The following NBEAL1 variants were observed in gnomAD, a reference collection of about 807,000 sequenced individuals.
The protein encoded by NBEAL1 is neurobeachin like 1.
Under a neutral mutation model 351.3 loss-of-function variants are expected in NBEAL1, and 273 were observed. The observed-to-expected ratio is 0.78, with a 90% confidence interval of 0.70 to 0.86. NBEAL1 has a LOEUF of 0.86. Ranked by LOEUF, NBEAL1 falls within the 40% of genes least tolerant of loss-of-function variation. The probability of loss-of-function intolerance (pLI) is 0.00; values close to 1 mark genes in which losing one functional copy is unlikely to be tolerated. For missense variants in NBEAL1, 2,961 were observed against 3,201.3 expected, an observed-to-expected ratio of 0.92 and a Z score of 1.81; for synonymous variants, 1,050 against 1,086.4, an observed-to-expected ratio of 0.97 and a Z score of 0.66.
At chr2:203,028,157 C>T (rs2060890377) in intron 2 of NBEAL1, among the ~76,000 whole-genome samples, 2 of 151,692 alleles carry the variant, frequency 1.3e-5, no homozygotes, top group South Asian at 4.2e-4. Flanking sequence ...GCTGGGATTA[C>T]AGGTGTGAGC....
At chr2:203,033,165 T>C (rs1431490679) in intron 2 of NBEAL1, among the ~76,000 whole-genome samples, 1 of 151,838 alleles carries the variant, frequency 6.6e-6, no homozygotes, top group Non-Finnish European at 1.5e-5. Context: ...CACGCATGGC[T>C]AATTTTTTGT....
intron 2 of NBEAL1, among the ~76,000 whole-genome samples, chr2:203,024,427 A>G (rs1406977399): frequency 1.3e-5 from 2 of 151,576 alleles, no homozygotes; most frequent in Non-Finnish European, 2.9e-5. Flanking sequence ...GTGGGGTGGC[A>G]TGCACCTGTA....
chr2:203,165,403 A>G (rs560880940), intron 36 of NBEAL1, among the ~76,000 whole-genome samples: 54 of 152,268 alleles, frequency 3.5e-4, no homozygotes, highest in African/African-American at 1.9e-4. Context: ...ATAGTTTAAG[A>G]TTCATATTTA....
intron 44 of NBEAL1, among the ~76,000 whole-genome samples, 160 bp downstream of exon 44, chr2:203,183,548 A>G (rs1487771480): frequency 3.9e-5 from 6 of 152,164 alleles, no homozygotes; most frequent in Non-Finnish European, 5.9e-5. Flanking sequence ...TTTTGAGGAT[A>G]TGAATCTTCT....
At position 203,108,037 on chromosome 2, in the gene NBEAL1, A is replaced by T. The variant is rs575115400; in HGVS notation, c.1798A>T (p.Asn600Tyr). Residue 600 changes from asparagine (N) to tyrosine (Y), a missense_variant, in exon 14 of 56, where the codon AAT (asparagine) becomes TAT (tyrosine). By Grantham distance (143) the Asn-to-Tyr change is moderately radical. Transcript: ENST00000683969. ...LSLESALQYF[N>Y]LSHSMAGISV... ...TCTAGAGAGTGCCCTCCAGTATTTCAATTTGTCACATAGTATGGCAGGAAT... is the reference window on the plus strand; with the variant it reads ...TCTAGAGAGTGCCCTCCAGTATTTCTATTTGTCACATAGTATGGCAGGAAT... The T allele has an allele frequency of 7.1e-6, 11 of 1,553,636 alleles. No homozygotes were observed. The highest frequency in any genetic ancestry group is 2.7e-5 in the African/African-American group (2 of 73,468).
intron 2 of NBEAL1, among the ~76,000 whole-genome samples, chr2:203,026,212 T>C (rs925881733): frequency 6.6e-6 from 1 of 152,158 alleles, no homozygotes; most frequent in Non-Finnish European, 1.5e-5. Context: ...TTTATGTCTG[T>C]TTTTTTGTGT....
chr2:203,213,644 G>A lies in NBEAL1; in HGVS notation c.8061G>A (p.Lys2687=), dbSNP rs1276564392. Residue 2687 remains lysine (K), a synonymous_variant, in exon 55 of 56, where the codon AAG becomes AAA. Transcript: ENST00000683969. Reference sequence around the variant, plus strand: ...AATTGATTGTAGTGGGTGTTGGCAAGCCTGCTGAGGTAAAACCTAGCATCA... The same window carrying A: ...AATTGATTGTAGTGGGTGTTGGCAAACCTGCTGAGGTAAAACCTAGCATCA... The part of the protein sequence containing the change: ...DGKLIVVGVG[K]PAEMRSGQLS... 1 of 1,613,830 alleles carries A rather than the reference G, an allele frequency of 6.2e-7. No individual in the cohort carries two copies.
At chr2:203,075,565 G>T (rs1042640318) in intron 7 of NBEAL1, among the ~76,000 whole-genome samples, 1 of 152,144 alleles carries the variant, frequency 6.6e-6, no homozygotes, top group Non-Finnish European at 1.5e-5. Context: ...TAGATACTGA[G>T]ACCCAAAATG....
chr2:203,055,989 T>C (rs888253877), intron 4 of NBEAL1, among the ~76,000 whole-genome samples: 1 of 152,112 alleles, frequency 6.6e-6, no homozygotes, highest in African/African-American at 2.4e-5. Flanking sequence ...AAAAGCAAAG[T>C]GAAAATGATT....
At chr2:203,040,275 A>G (rs2061118647) in intron 2 of NBEAL1, 2 of 807,060 alleles carry the variant, frequency 2.5e-6, no homozygotes, top group Non-Finnish European at 4.2e-6. Flanking sequence ...AATCATTCCT[A>G]CATGATTCCT....
intron 19 of NBEAL1, among the ~76,000 whole-genome samples, chr2:203,123,320 TTTTTC>T (rs1379551662): frequency 6.6e-6 from 1 of 151,438 alleles, no homozygotes; most frequent in Non-Finnish European, 1.5e-5. Flanking sequence ...ACACTTGTTC[TTTTTC>T]TTTTCTTTTC....
At chr2:203,074,317 CTTTTTTTTTTTTTT>C (rs56217945) in intron 7 of NBEAL1, among the ~76,000 whole-genome samples, 1 of 98,336 alleles carries the variant, frequency 1.0e-5, no homozygotes, top group Non-Finnish European at 2.0e-5. Flanking sequence ...TTTCTTTCTT[CTTTTTTTTTTTTTT>C]TTTTTTTTTT....
chr2:203,154,097 GTA>G (rs1258744648), intron 35 of NBEAL1, among the ~76,000 whole-genome samples: 3 of 151,902 alleles, frequency 2.0e-5, no homozygotes, highest in Non-Finnish European at 4.4e-5. Context: ...TTAGCCGGGC[GTA>G]GTGACGTGCA....
At chr2:203,151,645 G>T (rs137925908) in intron 35 of NBEAL1, 56 bp downstream of exon 35, 52 of 1,457,210 alleles carry the variant, frequency 3.6e-5, no homozygotes, top group Middle Eastern at 1.8e-4. Flanking sequence ...TGTTCGTGGG[G>T]TTGACGATTG....
In NBEAL1 at chr2:203,213,560, C is replaced by A; in HGVS notation, c.7977C>A (p.Ile2659=). ...SINPLAMRLP[I]HCVCVTKEYS... ...ACCCATTAGCCATGCGACTGCCTAT[C>A]CATTGTGTTTGTGTCACCAAAGAAT... Residue 2659 remains isoleucine, a synonymous_variant, in exon 55 of 56, where the codon ATC becomes ATA. Transcript: ENST00000683969. 6.2e-7 allele frequency: 1 copy of A among 1,613,976 alleles called. No homozygotes were observed. Among genetic ancestry groups the A allele is most frequent in the South Asian group, 1.1e-5 (1 of 91,044 alleles).
intron 51 of NBEAL1, among the ~76,000 whole-genome samples, chr2:203,203,389 G>T (rs538462010): frequency 1.3e-5 from 2 of 152,068 alleles, no homozygotes; most frequent in Non-Finnish European, 2.9e-5. Flanking sequence ...TGGCCAGGCT[G>T]GTCTTGAACT....
intron 44 of NBEAL1, among the ~76,000 whole-genome samples, chr2:203,186,213 C>T (rs985394482): frequency 6.6e-6 from 1 of 152,246 alleles, no homozygotes; most frequent in South Asian, 2.1e-4. Context: ...ATTTGACCCA[C>T]AGACAGTAGT....
intron 53 of NBEAL1, 122 bp downstream of exon 53, chr2:203,209,444 T>C (rs1055707454): frequency 2.3e-5 from 17 of 743,006 alleles, no homozygotes; most frequent in Non-Finnish European, 3.4e-5. Context: ...TGTTTTTCTT[T>C]CATCATTCAG....
Position 203,223,804 on chromosome 2 carries a change from A to G in NBEAL1, c.*6450A>G, listed in dbSNP as rs766396862. ...CATGTTTTACAATTTAGTGGGATGA[A>G]CCTACAAATTCATAAATGCTTCTCT... On this transcript the variant is annotated 3_prime_UTR_variant, in exon 56 of 56. Coordinates refer to ENST00000683969, the MANE Select transcript of NBEAL1 (RefSeq NM_001378026.1). Among the ~76,000 whole-genome samples the G allele has an allele frequency of 5.3e-5, 8 of 152,054 alleles. No homozygotes were observed. The highest frequency in any genetic ancestry group is 1.0e-4 in the Non-Finnish European group (7 of 67,910).
Sources: gnomAD v4.1 joint callset for allele counts (sites outside exome capture counted in the v4.1 genomes callset) on GRCh38, gnomAD v4.1.1 for gene constraint, MANE v1.5 for transcripts, NCBI Gene and HGNC (gene_info 2026-07-23, HGNC 2026-07-21) for gene names.